The following ASIC2 variants were observed in gnomAD, a reference collection of about 807,000 sequenced individuals.
The protein encoded by ASIC2 is acid-sensing ion channel 2.
In ASIC2, 25 loss-of-function variants were observed where a neutral mutation model predicts 57.3. The ratio of observed to expected loss-of-function variants is 0.44; its 90% CI spans 0.32 to 0.61. The LOEUF (loss-of-function observed/expected upper bound fraction) is 0.61. Ranked by LOEUF, ASIC2 falls within the 20% of genes least tolerant of loss-of-function variation. The pLI is 0.06. For synonymous variants in ASIC2, 319 were observed against 307.5 expected (o/e 1.04, Z -0.39); for missense variants, 641 against 738.1 (o/e 0.87, Z 1.52).
At chr17:34,117,806 T>C (rs2142116306) in intron 1 of ASIC2, among the ~76,000 whole-genome samples, 2 of 152,250 alleles carry the variant, frequency 1.3e-5, no homozygotes, top group East Asian at 3.9e-4. Context: ...ATCCACTAGA[T>C]AATGTCATCA....
intron 1 of ASIC2, among the ~76,000 whole-genome samples, chr17:33,778,920 A>G (rs372349530): frequency 1.3e-4 from 20 of 152,208 alleles, no homozygotes; most frequent in African/African-American, 4.8e-4. Context: ...AACTTATGCT[A>G]TGTTTAAGTC....
chr17:33,037,130 CA>C (rs35845015), intron 3 of ASIC2, among the ~76,000 whole-genome samples: 5,015 of 125,500 alleles, frequency 0.04, 119 homozygotes, highest in African/African-American at 0.078. Flanking sequence ...GGTGTGGTAG[CA>C]AAAAAAAAAA....
At chr17:34,099,122 G>A (rs62059042) in intron 1 of ASIC2, among the ~76,000 whole-genome samples, 17 of 27,592 alleles carry the variant, frequency 6.2e-4, no homozygotes, top group African/African-American at 2.0e-3. Flanking sequence ...GAGAGAGAGA[G>A]AGAGAGAGAG....
chr17:33,796,319 T>G (rs951130291), intron 1 of ASIC2, among the ~76,000 whole-genome samples: 8 of 152,182 alleles, frequency 5.3e-5, no homozygotes, highest in Non-Finnish European at 8.8e-5. Context: ...CCAAATCTAG[T>G]ATCTGCCAGT....
chr17:33,775,286 A>AG (rs1911233177), intron 1 of ASIC2, among the ~76,000 whole-genome samples: 1 of 152,226 alleles, frequency 6.6e-6, no homozygotes, highest in African/African-American at 2.4e-5. Context: ...TTGCATGGCA[A>AG]GTTCACTACA....
intron 1 of ASIC2, among the ~76,000 whole-genome samples, chr17:33,625,809 C>T (rs1250384283): frequency 6.6e-6 from 1 of 152,212 alleles, no homozygotes; most frequent in Non-Finnish European, 1.5e-5. Flanking sequence ...GGGAAATCTA[C>T]ACTGCTTAGC....
chr17:34,112,685 G>T lies in ASIC2; in HGVS notation c.555+43293C>A, dbSNP rs370460878. Among the ~76,000 whole-genome samples the T allele has an allele frequency of 2.5e-3, 380 of 152,206 alleles. 2 individuals are homozygous for T. The highest frequency in any genetic ancestry group is 8.9e-3 in the African/African-American group (371 of 41,520). ...AACCAACCCTTCCCTGGTCCTCTGG[G>T]CATTTACAAGATAAGGCCTTGTTAC... On this transcript the variant is annotated intron_variant, in intron 1 of 9. Transcript: ENST00000359872.
rs1465179861 is a variant in ASIC2, at chr17:33,574,108, G to T, written c.556-462041C>A. 2.0e-5 allele frequency among the ~76,000 whole-genome samples: 3 copies of T among 152,322 alleles called. No homozygotes were observed. In the East Asian group the frequency reaches 5.8e-4, roughly 29 times the overall value. Reference sequence around the variant, plus strand: ...CTAAGGTGGTTCTGTTCGTTTAGGTGTATCTTTGACTTAACTAAATAATAC... The same window carrying T: ...CTAAGGTGGTTCTGTTCGTTTAGGTTTATCTTTGACTTAACTAAATAATAC... On this transcript the variant is annotated intron_variant, in intron 1 of 9. Coordinates refer to the ASIC2 transcript ENST00000359872.
At chr17:33,084,160 G>A (rs2092125194) in intron 3 of ASIC2, among the ~76,000 whole-genome samples, 1 of 152,182 alleles carries the variant, frequency 6.6e-6, no homozygotes. Flanking sequence ...AGCAGGGGCA[G>A]GGACTCCCAG....
chr17:33,647,372 T>C (rs1359406224), intron 1 of ASIC2, among the ~76,000 whole-genome samples: 7 of 152,150 alleles, frequency 4.6e-5, no homozygotes, highest in Admixed American at 2.0e-4. Context: ...TTCATATACA[T>C]TTAAATGGTT....
intron 1 of ASIC2, among the ~76,000 whole-genome samples, chr17:33,134,295 T>C (rs749398914): frequency 2.3e-4 from 35 of 152,192 alleles, no homozygotes; most frequent in Non-Finnish European, 4.6e-4. Flanking sequence ...CCAAAGCCCG[T>C]TCCTTTTCAC....
intron 1 of ASIC2, among the ~76,000 whole-genome samples, chr17:33,961,449 T>C (rs9907580): frequency 0.5 from 76,507 of 151,990 alleles, 20,199 homozygotes; most frequent in African/African-American, 0.64. Flanking sequence ...CTTATGTCCC[T>C]GGGAATTGAG....
chr17:33,688,206 G>A (rs955547430), intron 1 of ASIC2, among the ~76,000 whole-genome samples: 3 of 152,196 alleles, frequency 2.0e-5, no homozygotes, highest in African/African-American at 7.2e-5. Flanking sequence ...GCTGAGAGGT[G>A]TGTTGGGTCT....
intron 2 of ASIC2, among the ~76,000 whole-genome samples, chr17:33,099,422 T>G (rs1483142719): frequency 6.6e-6 from 1 of 152,226 alleles, no homozygotes; most frequent in Non-Finnish European, 1.5e-5. Flanking sequence ...GAAAGCACCT[T>G]ATACACTGTG....
intron 1 of ASIC2, among the ~76,000 whole-genome samples, chr17:33,478,421 A>G (rs550724119): frequency 9.2e-5 from 14 of 152,374 alleles, no homozygotes; most frequent in African/African-American, 3.1e-4. Context: ...GGTCTCCCCA[A>G]CTGCTAAGGC....
At chr17:33,507,456 A>G (rs1212202145) in intron 1 of ASIC2, among the ~76,000 whole-genome samples, 2 of 152,114 alleles carry the variant, frequency 1.3e-5, no homozygotes, top group African/African-American at 2.4e-5. Context: ...GGTTTATTCT[A>G]TTTGGAGTTT....
intron 1 of ASIC2, among the ~76,000 whole-genome samples, chr17:33,579,529 C>T (rs970239683): frequency 9.2e-5 from 14 of 152,096 alleles, no homozygotes; most frequent in African/African-American, 2.7e-4. Flanking sequence ...GGTGGGTTCT[C>T]GGTCTCCCTG....
At chr17:33,226,626 G>A (rs1318160081) in intron 1 of ASIC2, among the ~76,000 whole-genome samples, 1 of 152,154 alleles carries the variant, frequency 6.6e-6, no homozygotes, top group Non-Finnish European at 1.5e-5. Context: ...CTGTTTATGT[G>A]TTGTTTGGGT....
At chr17:33,701,343 G>A (rs1209748793) in intron 1 of ASIC2, among the ~76,000 whole-genome samples, 1 of 152,114 alleles carries the variant, frequency 6.6e-6, no homozygotes, top group Non-Finnish European at 1.5e-5. Context: ...TATATGATTG[G>A]CCAAGCCTTG....
Sources: allele counts gnomAD v4.1 joint callset (sites outside exome capture counted in the v4.1 genomes callset), GRCh38; gene constraint gnomAD v4.1.1; transcripts MANE v1.5; gene names NCBI Gene and HGNC (gene_info 2026-07-23, HGNC 2026-07-21).